Variants in KLF15 observed in about 807,000 individuals in gnomAD.
KLF15 encodes KLF transcription factor 15.
A neutral mutation model predicts 24.6 loss-of-function variants in KLF15; 4 were observed. The observed-to-expected ratio is 0.16, with a 90% CI of 0.08 to 0.37. The LOEUF is 0.37. Ranked by LOEUF, KLF15 falls within the 10% of genes least tolerant of loss-of-function variation. KLF15 has a pLI of 1.00. For synonymous variants in KLF15, 246 were observed against 236.3 expected, an observed-to-expected ratio of 1.04 and a Z score of -0.37; for missense variants, 496 against 560.6, an observed-to-expected ratio of 0.88 and a Z score of 1.16.
chr3:126,345,238 G>C (rs941081420), intron 2 of KLF15, among the ~76,000 whole-genome samples: 4 of 151,936 alleles, frequency 2.6e-5, no homozygotes, highest in African/African-American at 9.7e-5. Context: ...CCTCATTCTT[G>C]CTGTTGTTTT....
chr3:126,320,267 G>C, the KLF15 span, among the ~76,000 whole-genome samples: 20 of 152,340 alleles, frequency 1.3e-4, no homozygotes, highest in African/African-American at 4.6e-4. Flanking sequence ...TTTTTCAAAA[G>C]AGGCTGAACA....
Position 126,352,561 on chromosome 3 carries a change from C to T in KLF15, c.362G>A (p.Cys121Tyr), listed in dbSNP as rs1560041388. The change falls in exon 2 of 3, where the codon TGC (cysteine) becomes TAC (tyrosine). Residue 121 changes from cysteine (C) to tyrosine (Y), a missense_variant. Physicochemically the swap from Cys to Tyr is radical, Grantham distance 194. This residue lies in a region of KLF15 where 399 missense variants were observed against 423.1 expected (regional missense o/e 0.94). Transcript: ENST00000296233. ...ATCACCCAAAGGAAACTCGGGCAAG[C>T]AGAAATGCTCCCCCTTCACAGGGGC... ...AAAPVKGEHF[C>Y]LPEFPLGDPD... 1.9e-6 allele frequency: 3 copies of T among 1,612,850 alleles called. No individual in the cohort carries two copies. The highest frequency in any genetic ancestry group is 1.7e-6 in the Non-Finnish European group (2 of 1,179,976).
the KLF15 span, among the ~76,000 whole-genome samples, chr3:126,318,442 G>A: frequency 1.3e-5 from 2 of 152,084 alleles, no homozygotes; most frequent in African/African-American, 4.8e-5. Context: ...ATGTTGATGG[G>A]TAGGTATTTG....
rs1348135677 is a variant in KLF15 at position 126,357,357 on chromosome 3, C to T, written c.-146G>A. ...GGCGGCCGGGGGCCGAGCCGCGGGT[C>T]CTGCGCTGGCTCGATCGCCCGCCGG... On this transcript the variant is annotated 5_prime_UTR_variant, in exon 1 of 3. Coordinates refer to ENST00000296233, the MANE Select transcript of KLF15 (RefSeq NM_014079.4). 1 of 147,176 alleles carries T rather than the reference C, an allele frequency of 6.8e-6. No homozygotes were observed. 9.1% of individuals were successfully genotyped at this position (147,176 alleles called of 1,614,324 possible).
chr3:126,318,525 T>C, the KLF15 span, among the ~76,000 whole-genome samples: 1 of 152,150 alleles, frequency 6.6e-6, no homozygotes, highest in Non-Finnish European at 1.5e-5. Context: ...GATGTATCTG[T>C]GATGGACGTG....
At chr3:126,354,479 C>G (rs2082614769) in intron 1 of KLF15, among the ~76,000 whole-genome samples, 1 of 152,156 alleles carries the variant, frequency 6.6e-6, no homozygotes, top group Admixed American at 6.5e-5. Flanking sequence ...CTCATCTGTT[C>G]CATGCTTCAA....
At chr3:126,290,005 C>T in the KLF15 span, among the ~76,000 whole-genome samples, 4 of 152,104 alleles carry the variant, frequency 2.6e-5, no homozygotes, top group South Asian at 2.1e-4. Flanking sequence ...GTTATGTGTT[C>T]GTCCCATGCT....
Position 126,352,287 on chromosome 3 carries a change from C to A in KLF15, c.636G>T (p.Thr212=). Residue 212 remains threonine (T), a synonymous_variant, in exon 2 of 3, where the codon ACG becomes ACT. Transcript: ENST00000296233. ...GCAACACTGGGATGGGGCCATCAGG[C>A]GTGGGGCCCCCACCTGGGCCCTGGG... is the stretch of plus-strand genomic sequence containing the variant. ...GGAQGPGGGP[T]PDGPIPVLLQ... 6.5e-7 allele frequency: 1 copy of A among 1,545,484 alleles called. No individual in the cohort carries two copies. The highest frequency in any genetic ancestry group is 2.0e-5 in the Admixed American group (1 of 50,192).
the KLF15 span, among the ~76,000 whole-genome samples, chr3:126,332,179 G>T: frequency 6.6e-6 from 1 of 151,950 alleles, no homozygotes; most frequent in Non-Finnish European, 1.5e-5. Context: ...CTGTCTGACA[G>T]CTTTGAAGAG....
At chr3:126,318,058 T>C in the KLF15 span, among the ~76,000 whole-genome samples, 17 of 152,130 alleles carry the variant, frequency 1.1e-4, no homozygotes, top group African/African-American at 4.1e-4. Flanking sequence ...CCTGGACCCA[T>C]GGGAAAACAG....
At chr3:126,324,669 A>G in the KLF15 span, among the ~76,000 whole-genome samples, 1 of 144,392 alleles carries the variant, frequency 6.9e-6, no homozygotes, top group East Asian at 2.0e-4. Context: ...CTTCTTTGGA[A>G]TGTTGCATAG....
At chr3:126,290,919 T>C in the KLF15 span, 1 of 152,264 alleles carries the variant, frequency 6.6e-6, no homozygotes, top group Non-Finnish European at 1.5e-5. Flanking sequence ...TTTTTGAATC[T>C]TTTTTATCTT....
In KLF15 at chr3:126,343,748, GCGGC is replaced by G; in HGVS notation, c.1226_1229del (p.Ser409ThrfsTer6). ...GCTTTCAGTTCACGGAGCGCACGGA[GCGGC>G]TGCTCCGCGGGAAGCGGTGCACCTT... On this transcript the variant is annotated frameshift_variant, in exon 3 of 3. Transcript: ENST00000296233. LOFTEE classifies it high-confidence loss of function. The G allele has an allele frequency of 6.2e-7, 1 of 1,611,996 alleles. No homozygotes were observed. The highest frequency in any genetic ancestry group is 8.5e-7 in the Non-Finnish European group (1 of 1,179,772).
chr3:126,339,919 G>A (rs938389), downstream of KLF15, among the ~76,000 whole-genome samples: 28,762 of 152,144 alleles, frequency 0.19, 2,912 homozygotes, highest in South Asian at 0.31. Flanking sequence ...TGGCTCCTAC[G>A]TAGGGCCTTT....
downstream of KLF15, among the ~76,000 whole-genome samples, chr3:126,338,307 C>CGTCA (rs1305536117): frequency 6.6e-6 from 1 of 152,188 alleles, no homozygotes; most frequent in Non-Finnish European, 1.5e-5. Context: ...AGCAGTGCCA[C>CGTCA]GTCAGCATGA....
chr3:126,309,480 T>G, the KLF15 span, among the ~76,000 whole-genome samples: 3 of 152,214 alleles, frequency 2.0e-5, no homozygotes, highest in South Asian at 6.2e-4. Context: ...GAGTTGGAGG[T>G]GTCAGTGGGA....
At chr3:126,355,995 G>T (rs975652284) in intron 1 of KLF15, among the ~76,000 whole-genome samples, 1 of 152,322 alleles carries the variant, frequency 6.6e-6, no homozygotes, top group East Asian at 1.9e-4. Flanking sequence ...ACGCTGTTCC[G>T]GGCACAGTCC....
chr3:126,329,094 A>G, the KLF15 span, among the ~76,000 whole-genome samples: 2 of 152,066 alleles, frequency 1.3e-5, no homozygotes, highest in Non-Finnish European at 2.9e-5. Context: ...GCATCTTGCT[A>G]TTTCTTGTAC....
the KLF15 span, among the ~76,000 whole-genome samples, chr3:126,320,249 G>T: frequency 6.6e-6 from 1 of 152,122 alleles, no homozygotes; most frequent in African/African-American, 2.4e-5. Flanking sequence ...GCAGGAACAG[G>T]GCCTCAATTT....
Sources: allele counts gnomAD v4.1 joint callset (sites outside exome capture counted in the v4.1 genomes callset), GRCh38; gene constraint gnomAD v4.1.1; regional missense constraint gnomAD v4.1.1; transcripts MANE v1.5; gene names NCBI Gene and HGNC (gene_info 2026-07-23, HGNC 2026-07-21).